PIK3CB: variants seen among roughly 807,000 people sequenced by gnomAD.
PIK3CB encodes phosphatidylinositol 4,5-bisphosphate 3-kinase catalytic subunit beta isoform.
Under a neutral mutation model 136.8 loss-of-function variants are expected in PIK3CB, and 39 were observed. That is an observed-to-expected ratio of 0.29 (90% CI 0.22 to 0.37). The LOEUF is 0.37. Ranked by LOEUF, PIK3CB falls within the 10% of genes least tolerant of loss-of-function variation. PIK3CB has a pLI of 1.00. For missense variants in PIK3CB, 868 were observed against 1,275.4 expected (o/e 0.68, Z 4.87); for synonymous variants, 428 against 436.6 (o/e 0.98, Z 0.25).
intron 1 of PIK3CB, among the ~76,000 whole-genome samples, chr3:138,829,701 C>A (rs981863599): frequency 2.0e-4 from 31 of 152,100 alleles, no homozygotes; most frequent in Non-Finnish European, 4.4e-5. Flanking sequence ...ACAGGAGAAT[C>A]GCTTGAACCC....
At chr3:138,796,289 G>A (rs1043801799) in intron 2 of PIK3CB, among the ~76,000 whole-genome samples, 174 bp downstream of exon 2, 2 of 151,012 alleles carry the variant, frequency 1.3e-5, no homozygotes, top group Non-Finnish European at 2.9e-5. Flanking sequence ...GGAGGCTGAG[G>A]CAGGAGAATT....
chr3:138,815,565 C>T (rs902345743), intron 1 of PIK3CB, among the ~76,000 whole-genome samples: 8 of 151,942 alleles, frequency 5.3e-5, no homozygotes, highest in African/African-American at 1.9e-4. Context: ...AGCAGTTCTA[C>T]ACCTACAGAT....
At chr3:138,797,198 CCTGA>C (rs1257682071) in intron 1 of PIK3CB, 3 of 152,950 alleles carry the variant, frequency 2.0e-5, no homozygotes, top group Non-Finnish European at 4.4e-5. Context: ...TCAACAGATT[CCTGA>C]CTATGATGCT....
Position 138,693,970 on chromosome 3 carries a change from A to AT in PIK3CB, c.1892+815dup, listed in dbSNP as rs1207445444. On this transcript the variant is annotated intron_variant, in intron 14 of 23. Transcript: ENST00000674063. ...ATATATATATATATATATATATTAT[A>AT]TATATATATATATATATATATATTT... 9.4e-3 allele frequency among the ~76,000 whole-genome samples: 804 copies of AT among 85,214 alleles called. 8 individuals carry two copies. Among genetic ancestry groups the AT allele is most frequent in the Non-Finnish European group, 0.014 (639 of 44,686 alleles). The allele number at this position is 85,214 out of a possible 152,430, so 55.9% of individuals were successfully genotyped here.
chr3:138,789,183 T>C (rs1244690743), intron 2 of PIK3CB, among the ~76,000 whole-genome samples: 2 of 152,178 alleles, frequency 1.3e-5, no homozygotes, highest in East Asian at 3.9e-4. Context: ...AATCCCAGCA[T>C]GATATTGTTG....
At chr3:138,675,505 A>G (rs1245031997) in intron 19 of PIK3CB, among the ~76,000 whole-genome samples, 3 of 152,168 alleles carry the variant, frequency 2.0e-5, no homozygotes, top group Non-Finnish European at 4.4e-5. Flanking sequence ...AGAAGTAGGC[A>G]TATTATAATC....
At chr3:138,807,888 C>T (rs1218910070) in intron 1 of PIK3CB, among the ~76,000 whole-genome samples, 1 of 149,902 alleles carries the variant, frequency 6.7e-6, no homozygotes, top group Admixed American at 6.7e-5. Flanking sequence ...CAGCAAGATC[C>T]TGTCTCAAAA....
At chr3:138,745,906 T>C (rs1315525557) in intron 4 of PIK3CB, among the ~76,000 whole-genome samples, 3 of 152,132 alleles carry the variant, frequency 2.0e-5, no homozygotes, top group Non-Finnish European at 4.4e-5. Context: ...TAAATGACCT[T>C]TGTGGCATTT....
At chr3:138,802,647 G>A (rs1170158664) in intron 1 of PIK3CB, among the ~76,000 whole-genome samples, 3 of 152,106 alleles carry the variant, frequency 2.0e-5, no homozygotes, top group African/African-American at 7.2e-5. Flanking sequence ...TCCCCATACT[G>A]TATTTTGAGT....
At chr3:138,751,014 T>C (rs2045460301) in intron 4 of PIK3CB, among the ~76,000 whole-genome samples, 1 of 152,176 alleles carries the variant, frequency 6.6e-6, no homozygotes, top group Admixed American at 6.6e-5. Context: ...ATATTATGAA[T>C]AAGGGACCCT....
intron 2 of PIK3CB, among the ~76,000 whole-genome samples, chr3:138,788,964 CAA>C (rs57432821): frequency 1.7e-4 from 15 of 89,474 alleles, no homozygotes; most frequent in African/African-American, 6.5e-4. Flanking sequence ...GACTTCGTCT[CAA>C]AAAAAAAAAA....
intron 19 of PIK3CB, among the ~76,000 whole-genome samples, chr3:138,666,079 T>C (rs2043404111): frequency 1.3e-5 from 2 of 152,210 alleles, no homozygotes; most frequent in Admixed American, 6.5e-5. Flanking sequence ...AAATAGATTA[T>C]CAATTAAATG....
At chr3:138,687,814 T>C (rs2043925680) in intron 16 of PIK3CB, among the ~76,000 whole-genome samples, 1 of 152,012 alleles carries the variant, frequency 6.6e-6, no homozygotes, top group Admixed American at 6.6e-5. Flanking sequence ...GGGGGAGATG[T>C]AGGAAGGGAA....
chr3:138,759,664 TAC>T (rs548976573), intron 2 of PIK3CB, among the ~76,000 whole-genome samples: 1 of 151,668 alleles, frequency 6.6e-6, no homozygotes. Flanking sequence ...CATACATATG[TAC>T]ACACACACAC....
intron 1 of PIK3CB, chr3:138,825,336 G>T (rs1052713057): frequency 3.9e-6 from 2 of 513,372 alleles, no homozygotes; most frequent in Non-Finnish European, 3.5e-6. Context: ...CTCCAAAAAT[G>T]GGCAGACCTG....
chr3:138,663,741 T>C (rs2043349292), intron 21 of PIK3CB, among the ~76,000 whole-genome samples, 165 bp downstream of exon 21: 1 of 152,062 alleles, frequency 6.6e-6, no homozygotes, highest in Admixed American at 6.6e-5. Flanking sequence ...AATGAATACA[T>C]GTAGTAGACT....
At chr3:138,713,390 C>T (rs181107177) in intron 9 of PIK3CB, among the ~76,000 whole-genome samples, 1 of 151,298 alleles carries the variant, frequency 6.6e-6, no homozygotes, top group Admixed American at 6.6e-5. Context: ...TAAAAGAACA[C>T]GGCCAGGCAC....
chr3:138,813,129 A>C (rs1029312488), intron 1 of PIK3CB, among the ~76,000 whole-genome samples: 3 of 151,684 alleles, frequency 2.0e-5, no homozygotes, highest in Non-Finnish European at 4.4e-5. Context: ...AGAAAAAAAA[A>C]TTTTTTTAAT....
Position 138,748,156 on chromosome 3 carries a change from TACACACACACACACAC to T in PIK3CB, c.398-5391_398-5376del, listed in dbSNP as rs3071146. 3.6e-3 allele frequency among the ~76,000 whole-genome samples: 517 copies of T among 142,984 alleles called. 6 individuals are homozygous for T. The highest frequency in any genetic ancestry group is 0.011 in the African/African-American group (433 of 39,058). 93.8% of individuals were successfully genotyped at this position (142,984 alleles called of 152,430 possible). On this transcript the variant is annotated intron_variant, in intron 4 of 23. Transcript: ENST00000674063. ...ATTTTGCAATATTTATTAGAAATCA[TACACACACACACACAC>T]ACACACACACACACACACACACACA... is the stretch of plus-strand genomic sequence containing the variant.
Sources: gnomAD v4.1 joint callset for allele counts (sites outside exome capture counted in the v4.1 genomes callset) on GRCh38, gnomAD v4.1.1 for gene constraint, MANE v1.5 for transcripts, NCBI Gene and HGNC (gene_info 2026-07-23, HGNC 2026-07-21) for gene names.